CYP2C18: variants seen among roughly 807,000 people sequenced by gnomAD.
CYP2C18 encodes the protein cytochrome P450 family 2 subfamily C member 18, also known as cytochrome P450 2C18.
CYP2C18 carries 38 observed loss-of-function variants against 41.3 expected under a neutral mutation model. That is an observed-to-expected ratio of 0.92 (90% CI 0.71 to 1.21). The LOEUF (loss-of-function observed/expected upper bound fraction) is 1.21, where lower values mean the gene tolerates loss of function less well. CYP2C18 is among the 50% of genes most tolerant of loss of function. CYP2C18 has a pLI of 0.00. For synonymous variants in CYP2C18, 236 were observed against 210.0 expected, an observed-to-expected ratio of 1.12 and a Z score of -1.07; for missense variants, 635 against 591.4, an observed-to-expected ratio of 1.07 and a Z score of -0.77.
At chr10:94,707,296 G>A (rs534822793) in intron 5 of CYP2C18, among the ~76,000 whole-genome samples, 1 of 152,226 alleles carries the variant, frequency 6.6e-6, no homozygotes, top group South Asian at 2.1e-4. Context: ...AGGTGAAAGG[G>A]TTTAACCTAA....
chr10:94,684,129 A>G (rs570832981), intron 1 of CYP2C18, 142 bp downstream of exon 1: 5 of 549,574 alleles, frequency 9.1e-6, no homozygotes, highest in African/African-American at 7.7e-5. Flanking sequence ...ACATGTATAG[A>G]TTGTGAATTG....
At chr10:94,692,648 T>A (rs905702259) in intron 3 of CYP2C18, among the ~76,000 whole-genome samples, 1 of 151,304 alleles carries the variant, frequency 6.6e-6, no homozygotes, top group Non-Finnish European at 1.5e-5. Flanking sequence ...AAATGCCATA[T>A]GACCCAGCCA....
chr10:94,730,524 A>G (rs1847809069), intron 7 of CYP2C18, among the ~76,000 whole-genome samples: 1 of 152,196 alleles, frequency 6.6e-6, no homozygotes, highest in Non-Finnish European at 1.5e-5. Flanking sequence ...TTAAGTAAAT[A>G]AACCTTTTGC....
rs749739018 is a variant in CYP2C18 at position 94,720,476 on chromosome 10, G to C, written c.900G>C (p.Glu300Asp). 6.2e-7 allele frequency: 1 copy of C among 1,613,480 alleles called. No homozygotes were observed. Among genetic ancestry groups the C allele is most frequent in the South Asian group, 1.1e-5 (1 of 91,054 alleles). ...TVTDMFGAGTETTSTTLRYGL... is the reference protein window; with the variant it reads ...TVTDMFGAGTDTTSTTLRYGL... ...CTGATATGTTTGGGGCTGGAACAGA[G>C]ACAACGAGCACCACTCTGAGATATG... Residue 300 changes from glutamate to aspartate, a missense_variant, in exon 6 of 9, where the codon GAG becomes GAC. By Grantham distance (45) the Glu-to-Asp change is conservative. Transcript: ENST00000285979.
At chr10:94,703,248 C>A (rs1847278324) in intron 4 of CYP2C18, among the ~76,000 whole-genome samples, 1 of 152,214 alleles carries the variant, frequency 6.6e-6, no homozygotes, top group African/African-American at 2.4e-5. Flanking sequence ...TGTCCCTTAG[C>A]AGAGCTTGAG....
chr10:94,687,650 G>T (rs189618219), intron 1 of CYP2C18, 120 bp from the exon 2 acceptor site: 2 of 921,298 alleles, frequency 2.2e-6, no homozygotes, highest in Non-Finnish European at 3.3e-6. Flanking sequence ...AATATTTGAA[G>T]CTGTATTTGA....
At chr10:94,700,670 A>G (rs1335695368) in intron 4 of CYP2C18, among the ~76,000 whole-genome samples, 1 of 152,200 alleles carries the variant, frequency 6.6e-6, no homozygotes, top group African/African-American at 2.4e-5. Flanking sequence ...ACAAACCACC[A>G]TCAGAGTGAA....
intron 5 of CYP2C18, among the ~76,000 whole-genome samples, chr10:94,712,909 T>C (rs777369525): frequency 1.4e-4 from 22 of 152,258 alleles, no homozygotes; most frequent in Non-Finnish European, 2.2e-4. Context: ...GCTCATTGTG[T>C]TTTTAATTTG....
At chr10:94,697,206 A>T (rs1847134647) in intron 4 of CYP2C18, among the ~76,000 whole-genome samples, 1 of 152,218 alleles carries the variant, frequency 6.6e-6, no homozygotes, top group Non-Finnish European at 1.5e-5. Flanking sequence ...AAATGAAGGA[A>T]AAAATGTTAA....
chr10:94,683,744 G>A lies in CYP2C18; in HGVS notation c.-76G>A, dbSNP rs575628155. ...AGTCACAGTCAGAGTCAGAATCACA[G>A]GTGGATTAGTAGGGAGTGTTATAAA... is the stretch of plus-strand genomic sequence containing the variant. On this transcript the variant is annotated 5_prime_UTR_variant, in exon 1 of 9. Coordinates refer to ENST00000285979, the MANE Select transcript of CYP2C18 (RefSeq NM_000772.3). 3.2e-4 allele frequency: 368 copies of A among 1,134,100 alleles called. 2 individuals carry two copies. The Middle Eastern group carries it at 4.0e-3, about 12-fold the overall frequency. 70.3% of individuals were successfully genotyped at this position (1,134,100 alleles called of 1,614,324 possible).
At chr10:94,720,343 A>C in intron 5 of CYP2C18, 53 bp from the exon 6 acceptor site, 1 of 1,499,302 alleles carries the variant, frequency 6.7e-7, no homozygotes, top group Non-Finnish European at 9.0e-7. Flanking sequence ...ATTTTTTGTA[A>C]TTTAATATGC....
At chr10:94,733,078 C>A (rs1364967212) in intron 7 of CYP2C18, among the ~76,000 whole-genome samples, 1 of 152,070 alleles carries the variant, frequency 6.6e-6, no homozygotes, top group African/African-American at 2.4e-5. Context: ...ATGCTCAGGA[C>A]TTCAAGTGCA....
At chr10:94,694,777 T>A in intron 3 of CYP2C18, 140 bp from the exon 4 acceptor site, 1 of 875,398 alleles carries the variant, frequency 1.1e-6, no homozygotes, top group East Asian at 2.8e-5. Context: ...TAAATTTCAA[T>A]ATGCTGTAGT....
At chr10:94,693,004 G>A (rs1224401086) in intron 3 of CYP2C18, among the ~76,000 whole-genome samples, 2 of 151,990 alleles carry the variant, frequency 1.3e-5, no homozygotes, top group African/African-American at 2.4e-5. Context: ...CACACACCAG[G>A]GCCTGTTGTG....
chr10:94,705,408 G>A (rs1221252117), intron 4 of CYP2C18, among the ~76,000 whole-genome samples: 2 of 152,134 alleles, frequency 1.3e-5, no homozygotes, highest in African/African-American at 2.4e-5. Context: ...TAATGTGTGC[G>A]GGGCTTAATA....
chr10:94,707,561 G>A (rs759771672), intron 5 of CYP2C18, among the ~76,000 whole-genome samples: 17 of 152,162 alleles, frequency 1.1e-4, no homozygotes, highest in Non-Finnish European at 1.9e-4. Flanking sequence ...AGGTATATGT[G>A]TGAGCCCTAA....
In CYP2C18 at chr10:94,688,187, C is replaced by T. The variant is rs780378156; in HGVS notation, c.394C>T (p.Arg132Trp). Residue 132 changes from arginine to tryptophan, a missense_variant, in exon 3 of 9, where the codon CGG becomes TGG. Transcript: ENST00000285979. The part of the protein sequence containing the change: ...EIRRFCLMTL[R>W]NFGMGKRSIE... ...CCGGCGTTTCTGCCTCATGACTCTG[C>T]GGAATTTTGGGATGGGGAAGAGGAG... 30 of 1,613,398 alleles carry T rather than the reference C, an allele frequency of 1.9e-5. No homozygotes were observed. Among genetic ancestry groups the T allele is most frequent in the Admixed American group, 3.3e-5 (2 of 59,910 alleles).
rs1469842962 is a variant in CYP2C18, at chr10:94,687,775, A to G, written c.174A>G (p.Ser58=). ...KDMSKSLTNF[S]KVYGPVFTVY... is the part of the protein sequence containing the mutation. ...ACCTCCTTTTCTATGTTTAGTTCTC[A>G]AAAGTCTATGGCCCTGTGTTCACTG... The change falls in exon 2 of 9, where the codon TCA becomes TCG. Residue 58 remains serine, a synonymous_variant. Transcript: ENST00000285979. 3.1e-6 allele frequency: 5 copies of G among 1,611,364 alleles called. No individual in the cohort carries two copies. Among genetic ancestry groups the G allele is most frequent in the Non-Finnish European group, 3.4e-6 (4 of 1,178,996 alleles).
At chr10:94,710,382 A>G (rs1847414482) in intron 5 of CYP2C18, among the ~76,000 whole-genome samples, 1 of 152,130 alleles carries the variant, frequency 6.6e-6, no homozygotes, top group Non-Finnish European at 1.5e-5. Flanking sequence ...GTTCCCCATG[A>G]ATTTTATGGT....
Sources: gnomAD v4.1 joint callset for allele counts (sites outside exome capture counted in the v4.1 genomes callset) on GRCh38, gnomAD v4.1.1 for gene constraint, MANE v1.5 for transcripts, NCBI Gene and HGNC (gene_info 2026-07-23, HGNC 2026-07-21) for gene names.